Variants in CLCN5 observed in about 807,000 individuals in gnomAD.
CLCN5 encodes the protein Cl-/H+ antiporter 5, also known as H(+)/Cl(-) exchange transporter 5.
Under a neutral mutation model 54.0 loss-of-function variants are expected in CLCN5, and 17 were observed. The observed-to-expected ratio is 0.31, with a 90% CI of 0.22 to 0.47. CLCN5 has a LOEUF of 0.47. Among genes scored for constraint, CLCN5 ranks in the 20% least tolerant of loss-of-function variants. The pLI is 1.00. For missense variants in CLCN5, 448 were observed against 646.7 expected (o/e 0.69, Z 3.33); for synonymous variants, 222 against 233.0 (o/e 0.95, Z 0.43).
At chrX:50,031,722 T>C (rs1464633969) in intron 3 of CLCN5, among the ~76,000 whole-genome samples, 7 of 110,157 alleles carry the variant, frequency 6.4e-5, no homozygotes, top group African/African-American at 2.3e-4. Context: ...ATTTCTTTAT[T>C]ATTATTATTA....
At chrX:49,965,646 T>C (rs1927804815) in intron 3 of CLCN5, among the ~76,000 whole-genome samples, 1 of 111,809 alleles carries the variant, frequency 8.9e-6, no homozygotes, top group Admixed American at 9.5e-5. Context: ...ACCTCCGATA[T>C]AATGTTGAAA....
intron 4 of CLCN5, among the ~76,000 whole-genome samples, chrX:50,066,047 G>T (rs1932999993): frequency 1.9e-5 from 2 of 103,398 alleles, no homozygotes; most frequent in East Asian, 3.1e-4. Context: ...AGCATTGGGA[G>T]ATATACCTAA....
At chrX:49,956,670 T>C (rs1455449990) in intron 3 of CLCN5, among the ~76,000 whole-genome samples, 1 of 111,938 alleles carries the variant, frequency 8.9e-6, no homozygotes. Flanking sequence ...TGAAAGCACA[T>C]TGTAAGCTGT....
chrX:50,089,009 TC>T (rs1355652048), intron 12 of CLCN5, 125 bp downstream of exon 12: 31 of 604,013 alleles, frequency 5.1e-5, no homozygotes, highest in Non-Finnish European at 8.3e-5. Context: ...TTTGCCATTT[TC>T]CAAGCACATT....
rs200390605 is a variant in CLCN5, at chrX:50,080,663, G to A, written c.673G>A (p.Val225Ile). 63 of 1,200,053 alleles carry A rather than the reference G, an allele frequency of 5.2e-5. No individual in the cohort carries two copies. The highest frequency in any genetic ancestry group is 2.3e-4 in the Middle Eastern group (1 of 4,338). The change falls in exon 8 of 15, where the codon GTA (valine) becomes ATA (isoleucine). Residue 225 changes from valine (V) to isoleucine (I), a missense_variant. Around this residue, in one of 5 missense-constraint regions of CLCN5, gnomAD observed 40 missense variants for 27.8 expected, o/e 1.44. Coordinates refer to ENST00000376091, the MANE Select transcript of CLCN5 (RefSeq NM_001127898.4). ...LWALLFAFLAVSLVKVFAPYA... is the reference protein window; with the variant it reads ...LWALLFAFLAISLVKVFAPYA... ...GGCTCTCCTATTTGCCTTCCTTGCC[G>A]TATCTCTTGTCAAGGTGTTTGCGCC...
chrX:49,962,657 C>T (rs1215059938), intron 3 of CLCN5, among the ~76,000 whole-genome samples: 1 of 111,843 alleles, frequency 8.9e-6, no homozygotes, highest in Non-Finnish European at 1.9e-5. Context: ...AAAGAGTGAA[C>T]AGATCGGACT....
At chrX:50,041,053 AAGCACAT>A (rs1259141741) in intron 3 of CLCN5, among the ~76,000 whole-genome samples, 1 of 112,362 alleles carries the variant, frequency 8.9e-6, no homozygotes, top group Non-Finnish European at 1.9e-5. Flanking sequence ...AATTCATTTT[AAGCACAT>A]AGCCCAGTGC....
intron 3 of CLCN5, among the ~76,000 whole-genome samples, chrX:49,987,124 C>T (rs1464885330): frequency 5.3e-5 from 6 of 112,452 alleles, no homozygotes; most frequent in Non-Finnish European, 1.1e-4. Flanking sequence ...GCTTATATTG[C>T]CCAACACATT....
intron 3 of CLCN5, among the ~76,000 whole-genome samples, chrX:50,040,107 A>G (rs1030041559): frequency 5.3e-5 from 6 of 112,263 alleles, no homozygotes; most frequent in Admixed American, 9.4e-5. Context: ...CCTGCTAACA[A>G]TCCTGTATTA....
intron 3 of CLCN5, among the ~76,000 whole-genome samples, chrX:49,958,527 T>G (rs1332968899): frequency 1.8e-5 from 2 of 111,927 alleles, no homozygotes; most frequent in Non-Finnish European, 3.8e-5. Context: ...ATAAACTGAT[T>G]TTTTTCCCAT....
intron 4 of CLCN5, among the ~76,000 whole-genome samples, chrX:50,052,146 A>G (rs1161269666): frequency 1.8e-5 from 2 of 111,968 alleles, no homozygotes; most frequent in African/African-American, 3.2e-5. Context: ...ATTAACTGTG[A>G]TATTAGCTGT....
At chrX:49,975,858 T>C (rs1557176848) in intron 3 of CLCN5, among the ~76,000 whole-genome samples, 2 of 112,323 alleles carry the variant, frequency 1.8e-5, no homozygotes, top group Non-Finnish European at 3.8e-5. Context: ...CATCGCTTCA[T>C]GGAAAGAGAG....
intron 3 of CLCN5, among the ~76,000 whole-genome samples, chrX:49,946,849 A>G (rs920627481): frequency 9.1e-6 from 1 of 109,565 alleles, no homozygotes; most frequent in Non-Finnish European, 1.9e-5. Context: ...ATTTTTTGAG[A>G]TGGAGTTTCG....
intron 3 of CLCN5, among the ~76,000 whole-genome samples, chrX:49,970,186 T>C (rs1601995160): frequency 8.9e-6 from 1 of 111,793 alleles, no homozygotes; most frequent in East Asian, 2.8e-4. Context: ...TAGTAGGTTC[T>C]TGTTTTCTAA....
At chrX:50,007,444 A>T (rs1240797147) in intron 3 of CLCN5, among the ~76,000 whole-genome samples, 125 of 92,269 alleles carry the variant, frequency 1.4e-3, no homozygotes, top group Non-Finnish European at 1.7e-3. Flanking sequence ...TCTCTGTCAC[A>T]CACACACACA....
intron 3 of CLCN5, among the ~76,000 whole-genome samples, chrX:49,941,920 C>CTTTTT (rs782574821): frequency 5.3e-4 from 32 of 60,559 alleles, no homozygotes; most frequent in African/African-American, 1.1e-3. Flanking sequence ...CAATCAGTAT[C>CTTTTT]TTTTTTTTTT....
intron 3 of CLCN5, among the ~76,000 whole-genome samples, chrX:50,030,674 A>T (rs1280223526): frequency 8.9e-6 from 1 of 112,303 alleles, no homozygotes; most frequent in Non-Finnish European, 1.9e-5. Flanking sequence ...CAAGAAAGAA[A>T]TCCTCTACAT....
chrX:50,044,013 A>G (rs1262851274), intron 4 of CLCN5, among the ~76,000 whole-genome samples: 1 of 111,886 alleles, frequency 8.9e-6, no homozygotes, highest in Non-Finnish European at 1.9e-5. Flanking sequence ...GGAATTAGCA[A>G]GGCTTGAAGA....
chrX:50,034,758 C>T (rs782138410), intron 3 of CLCN5, among the ~76,000 whole-genome samples: 119 of 111,215 alleles, frequency 1.1e-3, no homozygotes, highest in African/African-American at 3.2e-3. Context: ...TGTCCACCCC[C>T]ACCAAGGGCC....
Sources: allele counts gnomAD v4.1 joint callset (sites outside exome capture counted in the v4.1 genomes callset), GRCh38; gene constraint gnomAD v4.1.1; regional missense constraint gnomAD v4.1.1; transcripts MANE v1.5; gene names NCBI Gene and HGNC (gene_info 2026-07-23, HGNC 2026-07-21).